STK32B: variants seen among roughly 807,000 people sequenced by gnomAD.
The protein encoded by STK32B is serine/threonine-protein kinase 32B.
STK32B carries 43 observed loss-of-function variants against 52.6 expected under a neutral mutation model. That is an observed-to-expected ratio of 0.82 (90% CI 0.64 to 1.05). The LOEUF is 1.05. Among genes scored for constraint, STK32B ranks in the 50% least tolerant of loss-of-function variants. The probability of loss-of-function intolerance (pLI) is 0.00; values close to 1 mark genes in which losing one functional copy is unlikely to be tolerated. For synonymous variants in STK32B, 238 were observed against 204.3 expected (o/e 1.17, Z -1.41); for missense variants, 621 against 534.6 (o/e 1.16, Z -1.59).
At chr4:5,466,016 TC>T (rs1560438485) in intron 9 of STK32B, among the ~76,000 whole-genome samples, 1 of 152,256 alleles carries the variant, frequency 6.6e-6, no homozygotes, top group African/African-American at 2.4e-5. Context: ...CTGGGATTTT[TC>T]CCCTGTGCGC....
chr4:5,343,110 C>G (rs1378816309), intron 4 of STK32B, among the ~76,000 whole-genome samples: 4 of 140,778 alleles, frequency 2.8e-5, no homozygotes, highest in Non-Finnish European at 6.2e-5. Context: ...CTCCCCCACC[C>G]CACAACAGGC....
intron 11 of STK32B, among the ~76,000 whole-genome samples, chr4:5,475,436 A>C (rs181220036): frequency 6.7e-6 from 1 of 148,282 alleles, no homozygotes; most frequent in East Asian, 2.0e-4. Context: ...AAAAAAAAAA[A>C]AAAAAAAGCG....
chr4:5,284,882 A>G (rs1397798672), intron 3 of STK32B, among the ~76,000 whole-genome samples: 1 of 152,226 alleles, frequency 6.6e-6, no homozygotes, highest in Non-Finnish European at 1.5e-5. Context: ...ATGGACCCAT[A>G]CAAAGTGCCA....
chr4:5,266,843 G>A (rs986496609), intron 3 of STK32B, among the ~76,000 whole-genome samples: 6 of 152,190 alleles, frequency 3.9e-5, no homozygotes, highest in African/African-American at 1.4e-4. Flanking sequence ...GAGAGCAAGA[G>A]TAGGGAAATG....
At chr4:5,201,486 C>T (rs923553399) in intron 3 of STK32B, among the ~76,000 whole-genome samples, 4 of 152,146 alleles carry the variant, frequency 2.6e-5, no homozygotes, top group Admixed American at 2.6e-4. Context: ...GGATGAGTTG[C>T]ACTCCCCAGC....
intron 11 of STK32B, among the ~76,000 whole-genome samples, chr4:5,475,011 G>T (rs955572713): frequency 6.6e-6 from 1 of 152,156 alleles, no homozygotes; most frequent in Non-Finnish European, 1.5e-5. Context: ...GTGACCTGAC[G>T]CAGCGGGAGG....
chr4:5,419,019 T>A (rs1712403582), intron 6 of STK32B, among the ~76,000 whole-genome samples: 1 of 152,194 alleles, frequency 6.6e-6, no homozygotes, highest in African/African-American at 2.4e-5. Context: ...TATAACTTTC[T>A]TATTGTCTTC....
At chr4:5,284,420 A>G (rs1227616972) in intron 3 of STK32B, among the ~76,000 whole-genome samples, 2 of 152,182 alleles carry the variant, frequency 1.3e-5, no homozygotes, top group African/African-American at 2.4e-5. Context: ...AATAGAAGGC[A>G]TAGAATAATA....
intron 4 of STK32B, among the ~76,000 whole-genome samples, chr4:5,362,637 A>C (rs1389287191): frequency 6.6e-6 from 1 of 152,176 alleles, no homozygotes; most frequent in Non-Finnish European, 1.5e-5. Flanking sequence ...TGCTTGGTGA[A>C]AGCCTGACAG....
At chr4:5,103,364 A>C (rs183907121) in intron 1 of STK32B, among the ~76,000 whole-genome samples, 18 of 152,230 alleles carry the variant, frequency 1.2e-4, no homozygotes, top group African/African-American at 4.3e-4. Context: ...GCCTAATGTT[A>C]TATAACCCAG....
intron 1 of STK32B, among the ~76,000 whole-genome samples, chr4:5,081,834 T>A (rs1307347046): frequency 6.6e-6 from 1 of 152,218 alleles, no homozygotes; most frequent in African/African-American, 2.4e-5. Flanking sequence ...TGAGCTTCTT[T>A]AAAAACTATT....
At chr4:5,272,722 G>C (rs1386684192) in intron 3 of STK32B, among the ~76,000 whole-genome samples, 1 of 148,278 alleles carries the variant, frequency 6.7e-6, no homozygotes, top group Non-Finnish European at 1.5e-5. Context: ...ACAAACCTGA[G>C]AAAAACAAGC....
chr4:5,077,087 T>A (rs1712126503), intron 1 of STK32B, among the ~76,000 whole-genome samples: 1 of 152,128 alleles, frequency 6.6e-6, no homozygotes, highest in African/African-American at 2.4e-5. Context: ...AACTGTAAGC[T>A]CCATGTGGGC....
At chr4:5,316,765 TTA>T (rs201468302) in intron 3 of STK32B, among the ~76,000 whole-genome samples, 2,104 of 15,844 alleles carry the variant, frequency 0.13, 266 homozygotes, top group Non-Finnish European at 0.16. Flanking sequence ...ATCATATATA[TTA>T]TATATATTAT....
intron 3 of STK32B, among the ~76,000 whole-genome samples, chr4:5,283,680 G>T (rs945394118): frequency 5.3e-5 from 8 of 152,164 alleles, no homozygotes; most frequent in Admixed American, 1.3e-4. Context: ...GAGAGAGTGG[G>T]ATGATATATT....
intron 1 of STK32B, among the ~76,000 whole-genome samples, chr4:5,066,543 C>G (rs373482609): frequency 1.5e-4 from 23 of 152,268 alleles, no homozygotes; most frequent in African/African-American, 4.3e-4. Flanking sequence ...CCTTCAGAAC[C>G]CTGTATGGTC....
At chr4:5,102,879 C>T (rs1456144626) in intron 1 of STK32B, among the ~76,000 whole-genome samples, 2 of 96,470 alleles carry the variant, frequency 2.1e-5, no homozygotes, top group African/African-American at 8.3e-5. Context: ...CCCTCCCTCC[C>T]TTCTTTCCTT....
chr4:5,218,285 A>C (rs1723305483), intron 3 of STK32B, among the ~76,000 whole-genome samples: 1 of 152,330 alleles, frequency 6.6e-6, no homozygotes, highest in Admixed American at 6.5e-5. Flanking sequence ...TTGTAGTTTT[A>C]AAAGATCACT....
the STK32B span, among the ~76,000 whole-genome samples, chr4:5,039,581 GGC>G: frequency 6.6e-6 from 1 of 152,044 alleles, no homozygotes; most frequent in Admixed American, 6.6e-5. Context: ...ATAAATAGGA[GGC>G]ACACATTTTA....
Sources: allele counts gnomAD v4.1 joint callset (sites outside exome capture counted in the v4.1 genomes callset), GRCh38; gene constraint gnomAD v4.1.1; transcripts MANE v1.5; gene names NCBI Gene and HGNC (gene_info 2026-07-23, HGNC 2026-07-21).